Variants in CDH18 observed in about 807,000 individuals in gnomAD.
CDH18 encodes the protein cadherin 18.
Under a neutral mutation model 67.9 loss-of-function variants are expected in CDH18, and 31 were observed. That is an observed-to-expected ratio of 0.46 (90% CI 0.34 to 0.62). The LOEUF is 0.62. CDH18 is among the 20% of genes least tolerant of loss of function. CDH18 has a pLI of 0.01. For missense variants in CDH18, 890 were observed against 975.5 expected (o/e 0.91, Z 1.17); for synonymous variants, 362 against 347.2 (o/e 1.04, Z -0.48).
intron 5 of CDH18, among the ~76,000 whole-genome samples, chr5:19,671,405 G>T (rs1180693316): frequency 6.6e-6 from 1 of 152,046 alleles, no homozygotes; most frequent in African/African-American, 2.4e-5. Flanking sequence ...TAGTCAACTT[G>T]CTTAATTAGT....
intron 2 of CDH18, among the ~76,000 whole-genome samples, chr5:19,929,595 T>C (rs1397707170): frequency 1.3e-5 from 2 of 152,108 alleles, no homozygotes; most frequent in African/African-American, 2.4e-5. Context: ...TTGATGTACA[T>C]GTGTTATGCC....
intron 2 of CDH18, among the ~76,000 whole-genome samples, chr5:19,915,569 T>A (rs1008595228): frequency 4.6e-5 from 7 of 152,138 alleles, no homozygotes; most frequent in Non-Finnish European, 7.4e-5. Flanking sequence ...TGTTATATAT[T>A]TCTATACTGT....
intron 1 of CDH18, among the ~76,000 whole-genome samples, chr5:20,537,640 A>C (rs2126575536): frequency 6.6e-6 from 1 of 152,254 alleles, no homozygotes; most frequent in East Asian, 1.9e-4. Flanking sequence ...GTAAGTCATA[A>C]AAAACTCAAA....
chr5:20,269,439 T>G (rs1745277057), intron 1 of CDH18, among the ~76,000 whole-genome samples: 1 of 152,200 alleles, frequency 6.6e-6, no homozygotes. Context: ...ATCACAGCAC[T>G]ATTCACAATA....
At chr5:19,479,401 A>G (rs1410610429) in intron 12 of CDH18, among the ~76,000 whole-genome samples, 2 of 152,224 alleles carry the variant, frequency 1.3e-5, no homozygotes, top group Admixed American at 6.5e-5. Flanking sequence ...TCATAATCTC[A>G]TAAATTAACT....
At chr5:19,883,060 G>C (rs1787826865) in intron 2 of CDH18, among the ~76,000 whole-genome samples, 1 of 152,160 alleles carries the variant, frequency 6.6e-6, no homozygotes, top group Admixed American at 6.6e-5. Flanking sequence ...TGAAACAGAA[G>C]AAATAATCTG....
intron 2 of CDH18, among the ~76,000 whole-genome samples, chr5:20,075,485 G>C (rs554340093): frequency 4.2e-4 from 63 of 151,700 alleles, no homozygotes; most frequent in Non-Finnish European, 3.1e-4. Flanking sequence ...CCTGCTGATA[G>C]AGATAGACTC....
intron 5 of CDH18, among the ~76,000 whole-genome samples, chr5:19,685,785 T>C (rs1411412215): frequency 2.0e-5 from 3 of 152,196 alleles, no homozygotes; most frequent in Non-Finnish European, 4.4e-5. Context: ...TTAAGTTCCA[T>C]CTTTTTGAAG....
chr5:19,955,808 G>C (rs1796205967), intron 2 of CDH18, among the ~76,000 whole-genome samples: 1 of 151,962 alleles, frequency 6.6e-6, no homozygotes, highest in Non-Finnish European at 1.5e-5. Context: ...GGCATAACAG[G>C]TGTGAAAACA....
At chr5:19,671,835 T>C (rs1758793268) in intron 5 of CDH18, among the ~76,000 whole-genome samples, 1 of 152,078 alleles carries the variant, frequency 6.6e-6, no homozygotes, top group African/African-American at 2.4e-5. Context: ...GCCCAATTCA[T>C]AAGGCAGGCC....
chr5:20,235,106 A>G (rs1033723506), intron 2 of CDH18, among the ~76,000 whole-genome samples: 1 of 152,100 alleles, frequency 6.6e-6, no homozygotes, highest in Non-Finnish European at 1.5e-5. Context: ...ACACCTACAT[A>G]TCACCATATA....
At chr5:19,560,329 G>A (rs1346937931) in intron 8 of CDH18, among the ~76,000 whole-genome samples, 3 of 151,980 alleles carry the variant, frequency 2.0e-5, no homozygotes, top group Non-Finnish European at 4.4e-5. Context: ...ATAGACCAAA[G>A]GAACAAAATA....
At chr5:19,797,844 G>A (rs369066501) in intron 3 of CDH18, among the ~76,000 whole-genome samples, 8 of 152,064 alleles carry the variant, frequency 5.3e-5, no homozygotes, top group African/African-American at 1.7e-4. Context: ...AAAATTCTAT[G>A]GAAAGACACA....
intron 1 of CDH18, among the ~76,000 whole-genome samples, chr5:20,361,362 T>TA (rs1035301008): frequency 2.0e-5 from 3 of 151,992 alleles, no homozygotes; most frequent in Non-Finnish European, 2.9e-5. Flanking sequence ...CATTTTATAC[T>TA]AAAAAAAGAT....
chr5:19,745,111 A>T (rs1769807342), intron 4 of CDH18, among the ~76,000 whole-genome samples: 1 of 152,086 alleles, frequency 6.6e-6, no homozygotes. Context: ...AATATCCACA[A>T]TTTTATGTTT....
In CDH18 at chr5:19,473,526, G is replaced by C. The variant is rs1737911861; in HGVS notation, c.2073C>G (p.Ile691Met). 1 of 1,613,814 alleles carries C rather than the reference G, an allele frequency of 6.2e-7. No homozygotes were observed. Among genetic ancestry groups the C allele is most frequent in the Non-Finnish European group, 8.5e-7 (1 of 1,179,844 alleles). Residue 691 changes from isoleucine (I) to methionine (M), a missense_variant, in exon 13 of 13, where the codon ATC (isoleucine) becomes ATG (methionine). This residue lies in a region of CDH18 where 656 missense variants were observed against 668.1 expected (regional missense o/e 0.98). Transcript: ENST00000382275. ...TGGGAGTGAGCTTCACTTCAGGTCT[G>C]ATATCCCTCCGGTACTTGAGCTCCT... ...AAEELKYRRD[I>M]RPEVKLTPRH... is the part of the protein sequence containing the mutation.
intron 2 of CDH18, among the ~76,000 whole-genome samples, chr5:20,249,301 T>C (rs577534028): frequency 3.3e-5 from 5 of 151,914 alleles, no homozygotes; most frequent in Admixed American, 2.6e-4. Flanking sequence ...TTCTTTTAAA[T>C]AAATAAATTT....
intron 8 of CDH18, among the ~76,000 whole-genome samples, chr5:19,558,082 AT>A: frequency 6.6e-6 from 1 of 152,092 alleles, no homozygotes; most frequent in Admixed American, 6.6e-5. Flanking sequence ...AAATTAAAAA[AT>A]TTTTTGAACT....
Position 19,704,580 on chromosome 5 carries a change from G to C in CDH18, c.643+16767C>G, listed in dbSNP as rs147135034. On this transcript the variant is annotated intron_variant, in intron 5 of 12. Coordinates refer to ENST00000382275, the MANE Select transcript of CDH18 (RefSeq NM_004934.5). ...GAATTGCGTCAAGCAGAAAGACAAA[G>C]TTCCCGCCAAAGTTTAGGATATTAT... Among the ~76,000 whole-genome samples the C allele has an allele frequency of 2.6e-4, 40 of 152,210 alleles. No homozygotes were observed. In the East Asian group the frequency reaches 7.4e-3, roughly 28 times the overall value.
Sources: allele counts gnomAD v4.1 joint callset (sites outside exome capture counted in the v4.1 genomes callset), GRCh38; gene constraint gnomAD v4.1.1; regional missense constraint gnomAD v4.1.1; transcripts MANE v1.5; gene names NCBI Gene and HGNC (gene_info 2026-07-23, HGNC 2026-07-21).